DSTYK: variants seen among roughly 807,000 people sequenced by gnomAD.
DSTYK encodes the protein dual serine/threonine and tyrosine protein kinase.
A neutral mutation model predicts 98.7 loss-of-function variants in DSTYK; 34 were observed. That is an observed-to-expected ratio of 0.34 (90% CI 0.26 to 0.46). The LOEUF is 0.46. Ranked by LOEUF, DSTYK falls within the 20% of genes least tolerant of loss-of-function variation. The pLI, the probability that DSTYK is intolerant of heterozygous loss-of-function variation, is 1.00. For missense variants in DSTYK, 962 were observed against 1,181.7 expected (o/e 0.81, Z 2.73); for synonymous variants, 462 against 457.3 (o/e 1.01, Z -0.13).
intron 2 of DSTYK, among the ~76,000 whole-genome samples, chr1:205,170,697 A>C (rs1238490636): frequency 6.6e-6 from 1 of 152,212 alleles, no homozygotes; most frequent in Admixed American, 6.5e-5. Flanking sequence ...TTGCCTATCC[A>C]ATATCTAGTC....
At chr1:205,182,495 C>T (rs1321507918) in intron 2 of DSTYK, among the ~76,000 whole-genome samples, 3 of 52,056 alleles carry the variant, frequency 5.8e-5, no homozygotes, top group Non-Finnish European at 1.2e-4. Flanking sequence ...GAGTTAAAAA[C>T]GGTAAAAAAA....
At chr1:205,178,549 T>A (rs1357376243) in intron 2 of DSTYK, among the ~76,000 whole-genome samples, 1 of 152,204 alleles carries the variant, frequency 6.6e-6, no homozygotes, top group African/African-American at 2.4e-5. Context: ...ATAACAGCTT[T>A]CTCCTTTCAT....
In DSTYK at chr1:205,187,835, G is replaced by C. The variant is rs200378403; in HGVS notation, c.266-29C>G. ...GTTGGGGAAGGGGAGAGTGGAGGAA[G>C]AGAAAGGAGTAGAGAGAGAGGAGTG... On this transcript the variant is annotated intron_variant, in intron 1 of 12. Coordinates refer to ENST00000367162, the MANE Select transcript of DSTYK (RefSeq NM_015375.3). The C allele has an allele frequency of 1.0e-3, 1,613 of 1,571,914 alleles. 3 individuals carry two copies. The highest frequency in any genetic ancestry group is 1.4e-3 in the Non-Finnish European group (1,565 of 1,157,604).
chr1:205,149,351 A>C (rs1353702898), intron 11 of DSTYK, among the ~76,000 whole-genome samples: 4 of 152,166 alleles, frequency 2.6e-5, no homozygotes, highest in Non-Finnish European at 5.9e-5. Flanking sequence ...CTCGTACATG[A>C]AATGAAAGAA....
At chr1:205,195,861 C>CT (rs1213376735) in intron 1 of DSTYK, among the ~76,000 whole-genome samples, 8 of 152,238 alleles carry the variant, frequency 5.3e-5, no homozygotes, top group Non-Finnish European at 1.0e-4. Flanking sequence ...GGTGAAACTG[C>CT]TCCTGAGACT....
chr1:205,202,424 G>A, intron 1 of DSTYK: 1 of 747,090 alleles, frequency 1.3e-6, no homozygotes. Flanking sequence ...AGTGGGGCTG[G>A]ACAAGGTCAG....
At chr1:205,153,867 C>CTTTTTTTTTTTTTT (rs771169377) in intron 10 of DSTYK, among the ~76,000 whole-genome samples, 1 of 132,678 alleles carries the variant, frequency 7.5e-6, no homozygotes, top group Non-Finnish European at 1.6e-5. Context: ...GCCTGGCTAA[C>CTTTTTTTTTTTTTT]TTTTTTTTTT....
rs3183297 is a variant in DSTYK, at chr1:205,144,705, A to G, written c.*2853T>C. On this transcript the variant is annotated 3_prime_UTR_variant, in exon 13 of 13. Transcript: ENST00000367162. The stretch of plus-strand genomic sequence containing the variant: ...AGAATATTTTGCACCTTTTCTCAAA[A>G]TACTTTTTTTTAAAGAAAATGAACT... The G allele has an allele frequency of 0.3, 45,566 of 152,154 alleles. 7,252 individuals are homozygous for G. Among genetic ancestry groups the G allele is most frequent in the South Asian group, 0.41 (1,993 of 4,826 alleles). 9.4% of individuals were successfully genotyped at this position (152,154 alleles called of 1,614,324 possible).
chr1:205,209,345 G>A (rs1453033124), intron 1 of DSTYK, among the ~76,000 whole-genome samples: 1 of 152,162 alleles, frequency 6.6e-6, no homozygotes, highest in Non-Finnish European at 1.5e-5. Context: ...GCGGGTGAAA[G>A]TACACATTCT....
chr1:205,182,710 G>C (rs1658448176), intron 2 of DSTYK, among the ~76,000 whole-genome samples: 1 of 151,830 alleles, frequency 6.6e-6, no homozygotes, highest in Non-Finnish European at 1.5e-5. Flanking sequence ...GGAGGCTGAG[G>C]CAGGAGAATC....
chr1:205,209,525 G>GGCTTTTT (rs1188165776), intron 1 of DSTYK, among the ~76,000 whole-genome samples: 5 of 45,650 alleles, frequency 1.1e-4, no homozygotes, highest in South Asian at 7.6e-4. Flanking sequence ...ATAAAAATAA[G>GGCTTTTT]ATACTAAGAT....
intron 2 of DSTYK, among the ~76,000 whole-genome samples, chr1:205,185,505 G>A (rs542714205): frequency 1.2e-4 from 19 of 152,250 alleles, no homozygotes; most frequent in African/African-American, 4.6e-4. Context: ...GTGCCACTGA[G>A]ACCAACAGTG....
intron 9 of DSTYK, among the ~76,000 whole-genome samples, chr1:205,157,626 G>C (rs1414542103): frequency 6.6e-6 from 1 of 152,152 alleles, no homozygotes; most frequent in Non-Finnish European, 1.5e-5. Flanking sequence ...GCTGGATGTG[G>C]TGGCAGGTGC....
intron 2 of DSTYK, among the ~76,000 whole-genome samples, chr1:205,180,066 G>C (rs1391325392): frequency 6.6e-6 from 1 of 152,202 alleles, no homozygotes; most frequent in Admixed American, 6.5e-5. Flanking sequence ...ATGAATCACT[G>C]ACAGTGAATT....
chr1:205,199,507 T>C (rs558262383), intron 1 of DSTYK, among the ~76,000 whole-genome samples: 3 of 152,302 alleles, frequency 2.0e-5, no homozygotes, highest in East Asian at 3.9e-4. Flanking sequence ...TTTCTACATC[T>C]GTTCTCCTCT....
intron 1 of DSTYK, among the ~76,000 whole-genome samples, chr1:205,190,793 C>A (rs147208031): frequency 6.6e-6 from 1 of 152,114 alleles, no homozygotes; most frequent in African/African-American, 2.4e-5. Flanking sequence ...TAAGTGTCTA[C>A]GCATGAATGC....
Position 205,160,128 on chromosome 1 carries a change from T to A in DSTYK, c.2091A>T (p.Glu697Asp). 1 of 1,614,084 alleles carries A rather than the reference T, an allele frequency of 6.2e-7. No individual in the cohort carries two copies. Among genetic ancestry groups the A allele is most frequent in the Non-Finnish European group, 8.5e-7 (1 of 1,179,982 alleles). Residue 697 changes from glutamate (E) to aspartate (D), a missense_variant, in exon 8 of 13, where the codon GAA becomes GAT. Transcript: ENST00000367162. ...CCAGGACCCACCTCATATAGTGAAATTCCAAAGCCAGATCATTCCAGTGCT... is the reference window on the plus strand; with the variant it reads ...CCAGGACCCACCTCATATAGTGAAAATCCAAAGCCAGATCATTCCAGTGCT... ...DEKHWNDLAL[E>D]FHYMRSLPKH...
At chr1:205,161,911 T>C (rs1385879571) in intron 6 of DSTYK, 125 bp downstream of exon 6, 1 of 741,974 alleles carries the variant, frequency 1.3e-6, no homozygotes, top group Non-Finnish European at 2.0e-6. Flanking sequence ...TATATGTGTA[T>C]ATATATGTAT....
intron 11 of DSTYK, 92 bp from the exon 12 acceptor site, chr1:205,148,431 C>A: frequency 6.6e-7 from 1 of 1,517,430 alleles, no homozygotes; most frequent in Non-Finnish European, 8.9e-7. Context: ...TTGGCTTTTT[C>A]CAAAGCTTTT....
Sources: allele counts gnomAD v4.1 joint callset (sites outside exome capture counted in the v4.1 genomes callset), GRCh38; gene constraint gnomAD v4.1.1; transcripts MANE v1.5; gene names NCBI Gene and HGNC (gene_info 2026-07-23, HGNC 2026-07-21).